CAMK4: variants seen among roughly 807,000 people sequenced by gnomAD.
CAMK4 encodes the protein calcium/calmodulin-dependent protein kinase type IV.
In CAMK4, 22 loss-of-function variants were observed where a neutral mutation model predicts 44.9. The ratio of observed to expected loss-of-function variants is 0.49; its 90% CI spans 0.35 to 0.70. CAMK4 has a LOEUF of 0.70. Among genes scored for constraint, CAMK4 ranks in the 30% least tolerant of loss-of-function variants. CAMK4 has a pLI of 0.01. For synonymous variants in CAMK4, 218 were observed against 215.4 expected (o/e 1.01, Z -0.11); for missense variants, 498 against 586.8 (o/e 0.85, Z 1.56).
intron 2 of CAMK4, among the ~76,000 whole-genome samples, chr5:111,373,244 C>A (rs997379689): frequency 6.6e-6 from 1 of 151,958 alleles, no homozygotes; most frequent in African/African-American, 2.4e-5. Flanking sequence ...TGTTTTATTG[C>A]GTATACGGGT....
chr5:111,297,172 T>C (rs772724919), intron 1 of CAMK4, among the ~76,000 whole-genome samples: 1 of 152,184 alleles, frequency 6.6e-6, no homozygotes, highest in Non-Finnish European at 1.5e-5. Flanking sequence ...TAGAATCACA[T>C]TGCAAAAATG....
chr5:111,416,282 G>C (rs961022887), intron 5 of CAMK4, among the ~76,000 whole-genome samples: 8 of 151,632 alleles, frequency 5.3e-5, no homozygotes, highest in Admixed American at 2.0e-4. Context: ...ACACAAACAA[G>C]ACTGGAAGCA....
At chr5:111,275,820 A>G (rs1048390254) in intron 1 of CAMK4, among the ~76,000 whole-genome samples, 2 of 152,096 alleles carry the variant, frequency 1.3e-5, no homozygotes, top group African/African-American at 4.8e-5. Flanking sequence ...GTTTGATGTG[A>G]TAGATATCCC....
intron 1 of CAMK4, among the ~76,000 whole-genome samples, chr5:111,334,117 T>C (rs976172293): frequency 6.6e-6 from 1 of 151,548 alleles, no homozygotes; most frequent in Non-Finnish European, 1.5e-5. Context: ...ATCTGGAGTT[T>C]AGTATCATTA....
At chr5:111,309,026 C>T (rs749276139) in intron 1 of CAMK4, among the ~76,000 whole-genome samples, 8 of 152,078 alleles carry the variant, frequency 5.3e-5, no homozygotes, top group African/African-American at 1.9e-4. Flanking sequence ...AATCCGTGGT[C>T]GAGATGTGAG....
chr5:111,370,699 G>A (rs1456146986), intron 2 of CAMK4, among the ~76,000 whole-genome samples: 1 of 152,120 alleles, frequency 6.6e-6, no homozygotes, highest in East Asian at 1.9e-4. Flanking sequence ...GGTGGATCAC[G>A]AGGTCAAGAG....
rs536778441 is a variant in CAMK4 at position 111,488,337 on chromosome 5, C to T, written c.*3871C>T. The T allele has an allele frequency of 6.6e-5, 10 of 152,304 alleles. No homozygotes were observed. In the South Asian group the frequency reaches 2.1e-3, roughly 32 times the overall value. The allele number at this position is 152,304 out of a possible 1,614,324, so 9.4% of individuals were successfully genotyped here. On this transcript the variant is annotated 3_prime_UTR_variant, in exon 11 of 11. Transcript: ENST00000282356. Reference sequence around the variant, plus strand: ...TTTCCTTAGAAGGGTTTAATCAACACTGCCATTACACATGGATTTAACAAA... The same window carrying T: ...TTTCCTTAGAAGGGTTTAATCAACATTGCCATTACACATGGATTTAACAAA...
chr5:111,443,548 T>G (rs35027204), intron 5 of CAMK4, among the ~76,000 whole-genome samples: 1 of 151,780 alleles, frequency 6.6e-6, no homozygotes, highest in Admixed American at 6.6e-5. Context: ...CTCTAAACTT[T>G]CCTTCCTTTA....
At position 111,446,701 on chromosome 5, in the gene CAMK4, G is replaced by A; in HGVS notation, c.475G>A (p.Gly159Arg). The change falls in exon 6 of 11, where the codon GGG (glycine) becomes AGG (arginine). Residue 159 changes from glycine to arginine, a missense_variant. Transcript: ENST00000282356. ...CCCTCTTTAGTATCTACATGAAAAT[G>A]GGATTGTCCATCGTGATCTCAAACC... ...LEAVAYLHEN[G>R]IVHRDLKPEN... is the part of the protein sequence containing the mutation. 6.3e-7 allele frequency: 1 copy of A among 1,576,246 alleles called. No individual in the cohort carries two copies. Among genetic ancestry groups the A allele is most frequent in the Non-Finnish European group, 8.7e-7 (1 of 1,151,944 alleles).
At chr5:111,480,509 C>G (rs1755400197) in intron 9 of CAMK4, among the ~76,000 whole-genome samples, 1 of 152,074 alleles carries the variant, frequency 6.6e-6, no homozygotes. Context: ...AGCGTGTGTA[C>G]CCAGACCTTA....
intron 1 of CAMK4, among the ~76,000 whole-genome samples, chr5:111,272,296 G>A (rs1750552782): frequency 6.6e-6 from 1 of 152,068 alleles, no homozygotes; most frequent in African/African-American, 2.4e-5. Context: ...ATGGATGAGT[G>A]TTGCTTTCTT....
intron 1 of CAMK4, among the ~76,000 whole-genome samples, chr5:111,258,337 C>T (rs1325571378): frequency 1.3e-5 from 2 of 152,104 alleles, no homozygotes; most frequent in Non-Finnish European, 2.9e-5. Flanking sequence ...CGCATTCAGG[C>T]TGACTAACAT....
intron 9 of CAMK4, among the ~76,000 whole-genome samples, chr5:111,480,286 A>ACACACACACACACACACACACACACACC (rs1163614814): frequency 1.3e-5 from 2 of 148,880 alleles, no homozygotes; most frequent in Admixed American, 6.7e-5. Flanking sequence ...ACACACACAC[A>ACACACACACACACACACACACACACACC]CACCCCTGGG....
intron 7 of CAMK4, among the ~76,000 whole-genome samples, chr5:111,449,411 G>C (rs752446981): frequency 4.6e-5 from 7 of 152,186 alleles, no homozygotes; most frequent in Non-Finnish European, 8.8e-5. Flanking sequence ...TTAGGGCACT[G>C]CTGTTAGAAT....
intron 4 of CAMK4, among the ~76,000 whole-genome samples, chr5:111,393,891 A>G (rs1204187949): frequency 1.3e-5 from 2 of 149,336 alleles, no homozygotes; most frequent in South Asian, 2.1e-4. Flanking sequence ...TTTTTTTTTA[A>G]AGAATCACAT....
At chr5:111,466,869 A>AAG (rs2112476206) in intron 7 of CAMK4, among the ~76,000 whole-genome samples, 1 of 152,300 alleles carries the variant, frequency 6.6e-6, no homozygotes, top group Admixed American at 6.5e-5. Flanking sequence ...GGAACCACAA[A>AAG]AGAGCCTGCA....
At chr5:111,242,062 C>T (rs1025134667) in intron 1 of CAMK4, among the ~76,000 whole-genome samples, 8 of 152,100 alleles carry the variant, frequency 5.3e-5, no homozygotes, top group Non-Finnish European at 7.4e-5. Context: ...ACAGGCTATT[C>T]GAAACTAACT....
intron 1 of CAMK4, among the ~76,000 whole-genome samples, chr5:111,310,594 A>T (rs1158925364): frequency 6.6e-6 from 1 of 152,180 alleles, no homozygotes; most frequent in African/African-American, 2.4e-5. Context: ...ATATGTAAAT[A>T]CTAAGCCTGG....
intron 6 of CAMK4, 45 bp from the exon 7 acceptor site, chr5:111,449,084 A>C (rs762334566): frequency 4.3e-5 from 35 of 815,878 alleles, no homozygotes; most frequent in Non-Finnish European, 6.5e-5. Context: ...TTGTCATAAA[A>C]GCTGAGAAGA....
Sources: allele counts gnomAD v4.1 joint callset (sites outside exome capture counted in the v4.1 genomes callset), GRCh38; gene constraint gnomAD v4.1.1; transcripts MANE v1.5; gene names NCBI Gene and HGNC (gene_info 2026-07-23, HGNC 2026-07-21).